The following CARMIL1 variants were observed in gnomAD, a reference collection of about 807,000 sequenced individuals.
CARMIL1 encodes the protein F-actin-uncapping protein LRRC16A.
Under a neutral mutation model 177.1 loss-of-function variants are expected in CARMIL1, and 90 were observed. The observed-to-expected ratio is 0.51, with a 90% CI of 0.43 to 0.61. CARMIL1 has a LOEUF of 0.61. CARMIL1 is among the 20% of genes least tolerant of loss of function. The pLI, the probability that CARMIL1 is intolerant of heterozygous loss-of-function variation, is 0.00. For missense variants in CARMIL1, 1,380 were observed against 1,667.0 expected, an observed-to-expected ratio of 0.83 and a Z score of 3.00; for synonymous variants, 577 against 606.2, an observed-to-expected ratio of 0.95 and a Z score of 0.71.
At chr6:25,549,448 T>G (rs888092649) in intron 26 of CARMIL1, among the ~76,000 whole-genome samples, 2 of 152,202 alleles carry the variant, frequency 1.3e-5, no homozygotes, top group Non-Finnish European at 2.9e-5. Flanking sequence ...ACTGACTTAC[T>G]TGCATCTCTT....
intron 5 of CARMIL1, among the ~76,000 whole-genome samples, chr6:25,439,644 C>A (rs775300122): frequency 6.6e-6 from 1 of 152,054 alleles, no homozygotes; most frequent in Non-Finnish European, 1.5e-5. Flanking sequence ...ATAACATAGG[C>A]ACCTTGATGA....
At chr6:25,431,493 T>C (rs187424869) in intron 4 of CARMIL1, among the ~76,000 whole-genome samples, 5 of 152,078 alleles carry the variant, frequency 3.3e-5, no homozygotes, top group African/African-American at 1.2e-4. Context: ...GTCAAACATA[T>C]GCAGGAGTGA....
intron 2 of CARMIL1, among the ~76,000 whole-genome samples, chr6:25,301,986 G>A (rs1581494990): frequency 6.6e-6 from 1 of 152,126 alleles, no homozygotes; most frequent in East Asian, 1.9e-4. Flanking sequence ...TAGAGCCTCT[G>A]GGTACTATTT....
chr6:25,302,455 A>C (rs1782931762), intron 2 of CARMIL1, among the ~76,000 whole-genome samples: 1 of 152,198 alleles, frequency 6.6e-6, no homozygotes, highest in African/African-American at 2.4e-5. Context: ...CCAACCTAGT[A>C]TCCTTGAGGA....
Position 25,509,867 on chromosome 6 carries a change from A to T in CARMIL1, c.1477+130A>T. On this transcript the variant is annotated intron_variant, in intron 18 of 36. Transcript: ENST00000329474. The surrounding 1 kb of genome is among the most constrained non-coding windows in gnomAD (Gnocchi z 4.1). ...AATTGTTTTTTATTTTTTGACTAATAGGGCTTTTAAATTTAACAATGGGGT... is the reference window on the plus strand; with the variant it reads ...AATTGTTTTTTATTTTTTGACTAATTGGGCTTTTAAATTTAACAATGGGGT... The T allele has an allele frequency of 1.1e-5, 7 of 630,314 alleles. No homozygotes were observed. The highest frequency in any genetic ancestry group is 1.1e-5 in the Non-Finnish European group (4 of 368,062). 39.0% of individuals were successfully genotyped at this position (630,314 alleles called of 1,614,324 possible).
At chr6:25,605,814 C>T (rs181148262) in intron 34 of CARMIL1, among the ~76,000 whole-genome samples, 35 of 152,276 alleles carry the variant, frequency 2.3e-4, no homozygotes, top group African/African-American at 7.7e-4. Context: ...AGCTTGTCAT[C>T]GCTGGAATAG....
At chr6:25,335,918 C>T (rs77452940) in intron 2 of CARMIL1, among the ~76,000 whole-genome samples, 51 of 150,558 alleles carry the variant, frequency 3.4e-4, no homozygotes, top group African/African-American at 1.2e-3. Flanking sequence ...CTAAGTTAAT[C>T]ACTCCTGGTG....
intron 3 of CARMIL1, among the ~76,000 whole-genome samples, chr6:25,420,978 C>T (rs1795810721): frequency 6.6e-6 from 1 of 152,100 alleles, no homozygotes; most frequent in Admixed American, 6.6e-5. Context: ...AGCTATAAGT[C>T]TTATTATTAT....
chr6:25,359,892 G>C (rs1450662637), intron 2 of CARMIL1, among the ~76,000 whole-genome samples: 1 of 152,132 alleles, frequency 6.6e-6, no homozygotes, highest in Admixed American at 6.5e-5. Flanking sequence ...AAAAACTAAA[G>C]CACTTTGTTT....
chr6:25,420,014 C>T lies in CARMIL1; in HGVS notation c.139-100C>T, dbSNP rs542411433. The T allele has an allele frequency of 6.2e-5, 54 of 866,240 alleles. 1 individual carries two copies. Among genetic ancestry groups the T allele is most frequent in the South Asian group, 5.1e-4 (37 of 72,498 alleles). The allele number at this position is 866,240 out of a possible 1,614,324, so 53.7% of individuals were successfully genotyped here. A position where few individuals can be genotyped will look rare whatever the true frequency, so the allele number is the denominator to read the frequency against. On this transcript the variant is annotated intron_variant, in intron 2 of 36. Transcript: ENST00000329474. ...CATGACAGGAGCCAAGCCATGTGGC[C>T]TTCTGAGGTTTCAGTATCATTAAAG... is the stretch of plus-strand genomic sequence containing the variant.
chr6:25,293,042 C>T (rs777171702), intron 2 of CARMIL1, among the ~76,000 whole-genome samples: 1 of 151,666 alleles, frequency 6.6e-6, no homozygotes. Context: ...AATGTAGCTA[C>T]AATCTGAAGG....
At chr6:25,574,791 T>C (rs148512645) in intron 29 of CARMIL1, among the ~76,000 whole-genome samples, 5 of 152,334 alleles carry the variant, frequency 3.3e-5, no homozygotes, top group East Asian at 3.9e-4. Context: ...TCCTTTTAAT[T>C]GATGTTCCTT....
intron 2 of CARMIL1, among the ~76,000 whole-genome samples, chr6:25,331,872 G>A (rs1277194467): frequency 1.3e-5 from 2 of 152,156 alleles, no homozygotes; most frequent in African/African-American, 2.4e-5. Context: ...TTTCTTTAAG[G>A]ACCTATGAAT....
intron 2 of CARMIL1, among the ~76,000 whole-genome samples, chr6:25,319,839 G>GCTTA (rs1369577478): frequency 6.9e-6 from 1 of 144,796 alleles, no homozygotes; most frequent in Non-Finnish European, 1.5e-5. Flanking sequence ...AGAGATCTCA[G>GCTTA]CTTACTGAAC....
chr6:25,353,946 T>A (rs1180430065), intron 2 of CARMIL1, among the ~76,000 whole-genome samples: 2 of 152,168 alleles, frequency 1.3e-5, no homozygotes, highest in Non-Finnish European at 2.9e-5. Context: ...TAGAGACAGA[T>A]ATTTTGGATT....
At chr6:25,555,162 A>G (rs1810487400) in intron 28 of CARMIL1, among the ~76,000 whole-genome samples, 1 of 152,196 alleles carries the variant, frequency 6.6e-6, no homozygotes. Flanking sequence ...CAAAAAAGAT[A>G]GAGTATCCAA....
intron 2 of CARMIL1, among the ~76,000 whole-genome samples, chr6:25,325,368 G>A (rs1218857892): frequency 6.6e-6 from 1 of 152,154 alleles, no homozygotes; most frequent in Non-Finnish European, 1.5e-5. Flanking sequence ...TGGTGTGAAG[G>A]CTGATATTTA....
chr6:25,418,368 G>A (rs138383457), intron 2 of CARMIL1, among the ~76,000 whole-genome samples: 11 of 152,068 alleles, frequency 7.2e-5, no homozygotes, highest in Non-Finnish European at 1.0e-4. Context: ...TATTGTTATC[G>A]TCTTGAAATT....
At chr6:25,587,163 A>G (rs557068768) in intron 31 of CARMIL1, among the ~76,000 whole-genome samples, 1 of 152,308 alleles carries the variant, frequency 6.6e-6, no homozygotes, top group South Asian at 2.1e-4. Context: ...TATTTTAGCT[A>G]TATGTTTTTA....
Sources: gnomAD v4.1 joint callset for allele counts (sites outside exome capture counted in the v4.1 genomes callset) on GRCh38, gnomAD v4.1.1 for gene constraint, Gnocchi (gnomAD v3.1) non-coding constraint, MANE v1.5 for transcripts, NCBI Gene and HGNC (gene_info 2026-07-23, HGNC 2026-07-21) for gene names.